The following ASIC2 variants were observed in gnomAD, a reference collection of about 807,000 sequenced individuals.
The protein encoded by ASIC2 is acid sensing ion channel subunit 2, also known as acid-sensing ion channel 2.
In ASIC2, 25 loss-of-function variants were observed where a neutral mutation model predicts 57.3. The ratio of observed to expected loss-of-function variants is 0.44; its 90% CI spans 0.32 to 0.61. ASIC2 has a LOEUF of 0.61. Among genes scored for constraint, ASIC2 ranks in the 20% least tolerant of loss-of-function variants. The pLI is 0.06. For missense variants in ASIC2, 641 were observed against 738.1 expected (o/e 0.87, Z 1.52); for synonymous variants, 319 against 307.5 (o/e 1.04, Z -0.39).
chr17:33,977,042 G>C (rs1028306690), intron 1 of ASIC2, among the ~76,000 whole-genome samples: 1 of 152,028 alleles, frequency 6.6e-6, no homozygotes, highest in Admixed American at 6.5e-5. Context: ...GCTGGCCCCT[G>C]GTATTTCTGA....
At chr17:33,500,959 C>T (rs1206235353) in intron 1 of ASIC2, among the ~76,000 whole-genome samples, 1 of 152,238 alleles carries the variant, frequency 6.6e-6, no homozygotes, top group Non-Finnish European at 1.5e-5. Context: ...TCTACACTAA[C>T]TTAGTTGTTT....
At chr17:33,329,000 C>T (rs916531553) in intron 1 of ASIC2, among the ~76,000 whole-genome samples, 2 of 152,128 alleles carry the variant, frequency 1.3e-5, no homozygotes, top group African/African-American at 4.8e-5. Flanking sequence ...CTGGGTGGAA[C>T]CTTGGCTGAC....
At chr17:33,383,189 T>A (rs1172874079) in intron 1 of ASIC2, among the ~76,000 whole-genome samples, 1 of 152,180 alleles carries the variant, frequency 6.6e-6, no homozygotes, top group African/African-American at 2.4e-5. Flanking sequence ...CATAGCAATT[T>A]GAGTACCCCT....
At chr17:33,578,222 C>T (rs920682249) in intron 1 of ASIC2, among the ~76,000 whole-genome samples, 2 of 152,146 alleles carry the variant, frequency 1.3e-5, no homozygotes, top group Admixed American at 1.3e-4. Flanking sequence ...AATGATGAGA[C>T]GTTCTGAATG....
At chr17:33,201,615 A>G (rs1906862541) in intron 1 of ASIC2, among the ~76,000 whole-genome samples, 1 of 152,232 alleles carries the variant, frequency 6.6e-6, no homozygotes, top group Non-Finnish European at 1.5e-5. Flanking sequence ...TAAAATGAGT[A>G]TAAACATGAC....
intron 1 of ASIC2, among the ~76,000 whole-genome samples, chr17:33,724,709 A>G (rs1909491608): frequency 6.6e-6 from 1 of 152,204 alleles, no homozygotes; most frequent in Admixed American, 6.5e-5. Flanking sequence ...GGAGAAATCA[A>G]GAATTTGGTT....
chr17:33,137,312 T>C (rs1054667489), intron 1 of ASIC2, among the ~76,000 whole-genome samples: 2 of 152,242 alleles, frequency 1.3e-5, no homozygotes, highest in African/African-American at 4.8e-5. Context: ...GGCTTTATTA[T>C]GCCAATGTGC....
chr17:33,496,654 G>T (rs1042461967), intron 1 of ASIC2, among the ~76,000 whole-genome samples: 1 of 119,298 alleles, frequency 8.4e-6, no homozygotes, highest in Non-Finnish European at 1.6e-5. Flanking sequence ...GTCTCACTCT[G>T]TCGCCCAGGC....
intron 1 of ASIC2, among the ~76,000 whole-genome samples, chr17:33,928,410 C>T (rs1198966014): frequency 6.6e-6 from 1 of 152,186 alleles, no homozygotes; most frequent in East Asian, 1.9e-4. Flanking sequence ...GGTTCCCACC[C>T]TTTGTGGAGA....
intron 1 of ASIC2, among the ~76,000 whole-genome samples, chr17:33,712,299 G>C (rs912066510): frequency 1.3e-5 from 2 of 152,166 alleles, no homozygotes; most frequent in Non-Finnish European, 2.9e-5. Context: ...CTAAGTCACT[G>C]TTCTGGCCCC....
chr17:33,780,142 T>C (rs1008564003), intron 1 of ASIC2, among the ~76,000 whole-genome samples: 3 of 151,898 alleles, frequency 2.0e-5, no homozygotes, highest in African/African-American at 7.3e-5. Context: ...GCCTAATTTT[T>C]GTATTTTTGG....
chr17:34,032,063 G>C (rs1253385702), intron 1 of ASIC2, among the ~76,000 whole-genome samples: 4 of 152,168 alleles, frequency 2.6e-5, no homozygotes, highest in Non-Finnish European at 5.9e-5. Context: ...ATAATTGTCA[G>C]ATGAACCAAA....
intron 1 of ASIC2, among the ~76,000 whole-genome samples, chr17:33,682,604 T>G (rs1183238014): frequency 1.3e-5 from 2 of 152,186 alleles, no homozygotes; most frequent in Non-Finnish European, 2.9e-5. Context: ...CAAATTAGAT[T>G]TATGAATTTA....
At chr17:33,049,693 C>T (rs1046675619) in intron 3 of ASIC2, among the ~76,000 whole-genome samples, 6 of 152,256 alleles carry the variant, frequency 3.9e-5, no homozygotes, top group East Asian at 1.9e-4. Context: ...TGTTGAGCCT[C>T]GGTTTCCTCA....
chr17:33,373,140 G>A lies in ASIC2; in HGVS notation c.556-261073C>T, dbSNP rs143427108. Among the ~76,000 whole-genome samples the A allele has an allele frequency of 1.3e-3, 192 of 152,328 alleles. 2 individuals are homozygous for A. The East Asian group carries it at 0.025, about 19-fold the overall frequency. On this transcript the variant is annotated intron_variant, in intron 1 of 9. Coordinates refer to the ASIC2 transcript ENST00000359872. Reference sequence around the variant, plus strand: ...TGCCAAGAAGAGAACCCAGGAGGAAGGATAATATGTCCCTGGATCCTATGG... The same window carrying A: ...TGCCAAGAAGAGAACCCAGGAGGAAAGATAATATGTCCCTGGATCCTATGG...
intron 1 of ASIC2, among the ~76,000 whole-genome samples, chr17:34,149,193 A>G (rs1904421264): frequency 6.7e-6 from 1 of 149,996 alleles, no homozygotes; most frequent in South Asian, 2.1e-4. Context: ...TGCAGCTTCA[A>G]CCTTCCAGTT....
Position 34,144,596 on chromosome 17 carries a change from C to T in ASIC2, c.555+11382G>A, listed in dbSNP as rs1263371848. Among the ~76,000 whole-genome samples the T allele has an allele frequency of 1.3e-5, 2 of 152,158 alleles. 1 individual carries two copies. The highest frequency in any genetic ancestry group is 4.8e-5 in the African/African-American group (2 of 41,440). Reference sequence around the variant, plus strand: ...AAAGTTTTACTTATATTATTTCACTCAATTGCTGCAAACAATCCTATGGGG... The same window carrying T: ...AAAGTTTTACTTATATTATTTCACTTAATTGCTGCAAACAATCCTATGGGG... On this transcript the variant is annotated intron_variant, in intron 1 of 9. Coordinates refer to the ASIC2 transcript ENST00000359872.
intron 1 of ASIC2, among the ~76,000 whole-genome samples, chr17:33,174,586 T>C (rs753880684): frequency 1.3e-5 from 2 of 152,178 alleles, no homozygotes; most frequent in South Asian, 2.1e-4. Context: ...GGGGGCGCGA[T>C]GGGCTTGCAA....
At chr17:33,692,500 G>C (rs1908403652) in intron 1 of ASIC2, 1 of 152,142 alleles carries the variant, frequency 6.6e-6, no homozygotes, top group Non-Finnish European at 1.5e-5. Flanking sequence ...TAAAAGTCTT[G>C]AACCAAACAG....
Sources: allele counts gnomAD v4.1 joint callset (sites outside exome capture counted in the v4.1 genomes callset), GRCh38; gene constraint gnomAD v4.1.1; transcripts MANE v1.5; gene names NCBI Gene and HGNC (gene_info 2026-07-23, HGNC 2026-07-21).